ATP11C: variants seen among roughly 807,000 people sequenced by gnomAD.
ATP11C encodes the protein phospholipid-transporting ATPase IG.
Under a neutral mutation model 97.4 loss-of-function variants are expected in ATP11C, and 36 were observed. The observed-to-expected ratio is 0.37, with a 90% CI of 0.28 to 0.49. The LOEUF (loss-of-function observed/expected upper bound fraction) is 0.49. Among genes scored for constraint, ATP11C ranks in the 20% least tolerant of loss-of-function variants. ATP11C has a pLI of 0.98. For missense variants in ATP11C, 730 were observed against 824.6 expected (o/e 0.89, Z 1.40); for synonymous variants, 275 against 290.9 (o/e 0.95, Z 0.56).
chrX:139,807,290 C>T (rs974681031), intron 5 of ATP11C, among the ~76,000 whole-genome samples: 2 of 110,911 alleles, frequency 1.8e-5, no homozygotes, highest in African/African-American at 3.3e-5. Flanking sequence ...AAAAACTCTC[C>T]GGCACACCAG....
intron 1 of ATP11C, among the ~76,000 whole-genome samples, chrX:139,858,121 A>T (rs1569481058): frequency 8.8e-6 from 1 of 113,165 alleles, no homozygotes; most frequent in Non-Finnish European, 1.9e-5. Flanking sequence ...CAACTCAGCA[A>T]GAAGGACCTC....
In ATP11C at chrX:139,912,436, T is replaced by C. The variant is rs567180129; in HGVS notation, c.27+19580A>G. 1.4e-4 allele frequency among the ~76,000 whole-genome samples: 15 copies of C among 110,700 alleles called. No homozygotes were observed. The East Asian group carries it at 3.1e-3, about 23-fold the overall frequency. ...TAATTCTCAAGTTGGGTAGTGGGTA[T>C]GCAGGGGTTTATTTTATTATTATGC... is the stretch of plus-strand genomic sequence containing the variant. On this transcript the variant is annotated intron_variant, in intron 1 of 29. Coordinates refer to ENST00000682941, the MANE Select transcript of ATP11C (RefSeq NM_001353812.2).
At chrX:139,819,861 C>T (rs1472510373) in intron 2 of ATP11C, among the ~76,000 whole-genome samples, 3 of 112,149 alleles carry the variant, frequency 2.7e-5, no homozygotes, top group Non-Finnish European at 5.6e-5. Flanking sequence ...TCCCAACACT[C>T]AACACAGTGC....
At chrX:139,836,794 C>A (rs748745775) in intron 1 of ATP11C, among the ~76,000 whole-genome samples, 1 of 111,228 alleles carries the variant, frequency 9.0e-6, no homozygotes, top group Non-Finnish European at 1.9e-5. Flanking sequence ...AAAATGAATG[C>A]CTTCTCAAAT....
intron 1 of ATP11C, among the ~76,000 whole-genome samples, chrX:139,920,640 A>C (rs2085244687): frequency 8.9e-6 from 1 of 112,049 alleles, no homozygotes; most frequent in Admixed American, 9.5e-5. Context: ...AAATCCACTT[A>C]AGTGTATACT....
At chrX:139,925,922 G>C (rs950350867) in intron 1 of ATP11C, among the ~76,000 whole-genome samples, 1 of 111,565 alleles carries the variant, frequency 9.0e-6, no homozygotes, top group Non-Finnish European at 1.9e-5. Flanking sequence ...CAAGAAGTCA[G>C]CCGACCCAGT....
At chrX:139,799,996 A>C in intron 8 of ATP11C, 64 bp downstream of exon 8, 1 of 880,057 alleles carries the variant, frequency 1.1e-6, no homozygotes, top group South Asian at 2.1e-5. Context: ...ATTTTAGTTG[A>C]TTTAACAGAA....
chrX:139,792,700 G>A (rs1005279916), intron 12 of ATP11C, among the ~76,000 whole-genome samples: 1 of 111,599 alleles, frequency 9.0e-6, no homozygotes, highest in African/African-American at 3.3e-5. Flanking sequence ...GTGGCTATGT[G>A]AGAATAATGA....
chrX:139,874,577 A>G (rs1046502464), intron 1 of ATP11C, among the ~76,000 whole-genome samples: 3 of 112,183 alleles, frequency 2.7e-5, no homozygotes, highest in Admixed American at 9.5e-5. Context: ...CCAAAACTCA[A>G]TGCTAATTCC....
chrX:139,890,112 G>A (rs913433285), intron 1 of ATP11C, among the ~76,000 whole-genome samples: 1 of 111,664 alleles, frequency 9.0e-6, no homozygotes, highest in Non-Finnish European at 1.9e-5. Context: ...AGACAACAGG[G>A]TGGGAGAAGA....
At chrX:139,826,221 T>C (rs1270941559) in intron 2 of ATP11C, among the ~76,000 whole-genome samples, 4 of 110,528 alleles carry the variant, frequency 3.6e-5, no homozygotes, top group Admixed American at 9.6e-5. Context: ...CTTTGGGACG[T>C]AGGAGTCTAT....
rs1403867267 is a variant in ATP11C, at chrX:139,728,978, T to C, written c.*4-16A>G. The C allele has an allele frequency of 8.9e-7, 1 of 1,129,817 alleles. No individual in the cohort carries two copies. The highest frequency in any genetic ancestry group is 3.0e-5 in the East Asian group (1 of 33,323). The allele number at this position is 1,129,817 out of a possible 1,213,427, so 93.1% of individuals were successfully genotyped here. On this transcript the variant is annotated splice_polypyrimidine_tract_variant and intron_variant, in intron 29 of 29. Transcript: ENST00000682941. Reference sequence around the variant, plus strand: ...GATTCGGATTCTGAAAAATGTAAAATATACAGATTTAAAAGGCTTATTTTA... The same window carrying C: ...GATTCGGATTCTGAAAAATGTAAAACATACAGATTTAAAAGGCTTATTTTA...
In ATP11C at chrX:139,802,265, T is replaced by C. The variant is rs1484315441; in HGVS notation, c.630A>G (p.Glu210=). The change falls in exon 7 of 30, where the codon GAA becomes GAG. Residue 210 remains glutamate, a synonymous_variant. Transcript: ENST00000682941. ...ESIDTLRAAI[E]CEQPQPDLYK... is the part of the protein sequence containing the mutation. ...AGAGGTCAGGTTGAGGCTGTTCACA[T>C]TCAATTGCTGCTCGGAGGGTATCGA... is the stretch of plus-strand genomic sequence containing the variant. 1.7e-6 allele frequency: 2 copies of C among 1,206,647 alleles called. No individual in the cohort carries two copies. Among genetic ancestry groups the C allele is most frequent in the African/African-American group, 3.5e-5 (2 of 57,159 alleles).
At position 139,851,719 on chromosome X, in the gene ATP11C, TC is replaced by T. The variant is rs759438197; in HGVS notation, c.28-24897del. 4.5e-5 allele frequency among the ~76,000 whole-genome samples: 5 copies of T among 111,940 alleles called. No individual in the cohort carries two copies. The East Asian group carries it at 1.1e-3, about 25-fold the overall frequency. The stretch of plus-strand genomic sequence containing the variant: ...TGAGGCCTTGGGGGCCAAATCTCTA[TC>T]CCAGTGTACCCAGGATGCAGGATAT... On this transcript the variant is annotated intron_variant, in intron 1 of 29. Transcript: ENST00000682941.
intron 16 of ATP11C, 59 bp from the exon 17 acceptor site, chrX:139,783,326 G>A: frequency 1.1e-6 from 1 of 874,528 alleles, no homozygotes; most frequent in Non-Finnish European, 1.7e-6. Context: ...TGTGGTTTTA[G>A]TAAGAGTAAC....
chrX:139,853,071 GGGACA>G (rs1306337878), intron 1 of ATP11C, among the ~76,000 whole-genome samples: 1 of 111,503 alleles, frequency 9.0e-6, no homozygotes, highest in Non-Finnish European at 1.9e-5. Context: ...TGAGCCTCCT[GGGACA>G]GGCAAGGCGA....
At chrX:139,884,432 A>G (rs755411924) in intron 1 of ATP11C, among the ~76,000 whole-genome samples, 1 of 112,065 alleles carries the variant, frequency 8.9e-6, no homozygotes, top group African/African-American at 3.2e-5. Context: ...GGCATCTCCA[A>G]TCCTCCACAC....
chrX:139,765,192 G>T (rs962418927), intron 20 of ATP11C, among the ~76,000 whole-genome samples: 1 of 109,898 alleles, frequency 9.1e-6, no homozygotes, highest in Non-Finnish European at 1.9e-5. Flanking sequence ...TAGATCAAAT[G>T]GATTAAGACC....
At chrX:139,885,177 C>A (rs760093529) in intron 1 of ATP11C, among the ~76,000 whole-genome samples, 1 of 110,758 alleles carries the variant, frequency 9.0e-6, no homozygotes, top group African/African-American at 3.3e-5. Context: ...CTCACACAAA[C>A]ACAAACACAT....
Sources: allele counts gnomAD v4.1 joint callset (sites outside exome capture counted in the v4.1 genomes callset), GRCh38; gene constraint gnomAD v4.1.1; transcripts MANE v1.5; gene names NCBI Gene and HGNC (gene_info 2026-07-23, HGNC 2026-07-21).